Variants in SYNJ2 observed in about 807,000 individuals in gnomAD.
SYNJ2 encodes polyphosphatidylinositol phosphatase SYNJ2.
In SYNJ2, 116 loss-of-function variants were observed where a neutral mutation model predicts 141.3. The ratio of observed to expected loss-of-function variants is 0.82; its 90% CI spans 0.71 to 0.96. The LOEUF is 0.96. Ranked by LOEUF, SYNJ2 falls within the 40% of genes least tolerant of loss-of-function variation. The pLI, the probability that SYNJ2 is intolerant of heterozygous loss-of-function variation, is 0.00. For synonymous variants in SYNJ2, 745 were observed against 777.7 expected (o/e 0.96, Z 0.70); for missense variants, 1,873 against 1,934.8 (o/e 0.97, Z 0.60).
Position 158,033,570 on chromosome 6 carries a change from G to C in SYNJ2, c.601G>C (p.Ala201Pro), listed in dbSNP as rs1442542234. Residue 201 changes from alanine (A) to proline (P), a missense_variant, in exon 4 of 27, where the codon GCC becomes CCC. Ala to Pro is a conservative substitution (Grantham distance 27). Transcript: ENST00000355585. The stretch of plus-strand genomic sequence containing the variant: ...CACCGTGTATGCCTCCCACAAGCAG[G>C]CCAAGGCCTGCCTCGTCTCTCGCGT... ...IRTVYASHKQ[A>P]KACLVSRVSC... 2 of 1,613,974 alleles carry C rather than the reference G, an allele frequency of 1.2e-6. No homozygotes were observed. The highest frequency in any genetic ancestry group is 1.7e-5 in the Admixed American group (1 of 60,016).
chr6:158,078,135 G>T (rs1782435851), intron 17 of SYNJ2, 29 bp from the exon 18 acceptor site: 1 of 1,402,496 alleles, frequency 7.1e-7, no homozygotes, highest in Non-Finnish European at 1.0e-6. Context: ...ATTCTATATG[G>T]GTCTCTCGAA....
Position 158,070,803 on chromosome 6 carries a change from G to A in SYNJ2, c.1941-799G>A. Among the ~76,000 whole-genome samples the A allele has an allele frequency of 6.6e-6, 1 of 152,202 alleles. No homozygotes were observed. Among genetic ancestry groups the A allele is most frequent in the Non-Finnish European group, 1.5e-5 (1 of 68,046 alleles). ...ATGCGTCATAAGTGGGCATTTGAAT[G>A]CAAGCAGGCTCTGGCATTGCATAAA... On this transcript the variant is annotated intron_variant, in intron 14 of 26. Coordinates refer to ENST00000355585, the MANE Select transcript of SYNJ2 (RefSeq NM_003898.4). This position sits in a 1 kb window ranked among gnomAD's most constrained non-coding sequence, Gnocchi z 4.0.
intron 4 of SYNJ2, 125 bp downstream of exon 4, chr6:158,033,805 T>C (rs940614599): frequency 1.0e-6 from 1 of 962,372 alleles, no homozygotes; most frequent in African/African-American, 1.6e-5. Context: ...TCAGGCTTCC[T>C]CCTATAAGTG....
intron 1 of SYNJ2, among the ~76,000 whole-genome samples, chr6:158,009,389 C>A (rs1330850842): frequency 6.6e-6 from 1 of 152,158 alleles, no homozygotes; most frequent in Non-Finnish European, 1.5e-5. Context: ...TCCTCTTGGC[C>A]ACTGCCAAAT....
At chr6:158,065,572 A>G (rs1781514842) in intron 11 of SYNJ2, among the ~76,000 whole-genome samples, 1 of 152,206 alleles carries the variant, frequency 6.6e-6, no homozygotes, top group South Asian at 2.1e-4. Flanking sequence ...GGTCTCATGG[A>G]AAAGTAGGGG....
At position 158,043,459 on chromosome 6, in the gene SYNJ2, C is replaced by T; in HGVS notation, c.795+60C>T. 1 of 1,232,364 alleles carries T rather than the reference C, an allele frequency of 8.1e-7. No homozygotes were observed. 76.3% of individuals were successfully genotyped at this position (1,232,364 alleles called of 1,614,324 possible). On this transcript the variant is annotated intron_variant, in intron 5 of 26. Transcript: ENST00000355585. This position sits in a 1 kb window ranked among gnomAD's most constrained non-coding sequence, Gnocchi z 4.0. ...ATGTTGTCCGCCCTGCCCTTCCCTT[C>T]AATAGCTGGGGAAGATTTCTTTTAA...
Position 158,095,997 on chromosome 6 carries a change from G to A in SYNJ2, c.4124G>A (p.Gly1375Asp), listed in dbSNP as rs1005580846. ...DSPSGHPPAAGTVFPQGDFLS... is the reference protein window; with the variant it reads ...DSPSGHPPAADTVFPQGDFLS... ...CCCTCTGGGCACCCACCTGCCGCGG[G>A]CACCGTCTTCCCACAAGGGGACTTT... The change falls in exon 27 of 27, where the codon GGC becomes GAC. Residue 1375 changes from glycine (G) to aspartate (D), a missense_variant. Transcript: ENST00000355585. 6.2e-7 allele frequency: 1 copy of A among 1,614,082 alleles called. No individual in the cohort carries two copies. The highest frequency in any genetic ancestry group is 1.3e-5 in the African/African-American group (1 of 74,946).
At chr6:158,008,707 C>CTG (rs1778159403) in intron 1 of SYNJ2, among the ~76,000 whole-genome samples, 1 of 152,240 alleles carries the variant, frequency 6.6e-6, no homozygotes, top group African/African-American at 2.4e-5. Context: ...GTCTGTCTGT[C>CTG]TGTCTGTCTC....
intron 22 of SYNJ2, among the ~76,000 whole-genome samples, chr6:158,085,275 C>G (rs1417937856): frequency 6.6e-6 from 1 of 152,140 alleles, no homozygotes; most frequent in Non-Finnish European, 1.5e-5. Context: ...CCTACCTGGG[C>G]CTTCCAAAGT....
chr6:158,097,809 T>C lies in SYNJ2; in HGVS notation c.*1445T>C, dbSNP rs1284275040. The C allele has an allele frequency of 1.3e-5, 2 of 150,772 alleles. No homozygotes were observed. Among genetic ancestry groups the C allele is most frequent in the Non-Finnish European group, 2.9e-5 (2 of 67,876 alleles). 9.3% of individuals were successfully genotyped at this position (150,772 alleles called of 1,614,324 possible). ...CAAAACAAAAGTTACAACACGTATCTCTTTTCATCTGAAAACTAATACCTG... is the reference window on the plus strand; with the variant it reads ...CAAAACAAAAGTTACAACACGTATCCCTTTTCATCTGAAAACTAATACCTG... On this transcript the variant is annotated 3_prime_UTR_variant, in exon 27 of 27. Coordinates refer to ENST00000355585, the MANE Select transcript of SYNJ2 (RefSeq NM_003898.4).
At chr6:157,985,012 C>T (rs1259378351) in intron 1 of SYNJ2, among the ~76,000 whole-genome samples, 2 of 152,148 alleles carry the variant, frequency 1.3e-5, no homozygotes, top group Admixed American at 6.5e-5. Flanking sequence ...TTCCTAGGGG[C>T]GAGAGGAGAT....
intron 3 of SYNJ2, among the ~76,000 whole-genome samples, chr6:158,033,127 G>A (rs921424338): frequency 2.6e-5 from 4 of 152,220 alleles, no homozygotes; most frequent in African/African-American, 9.6e-5. Context: ...GCCCCTTTGC[G>A]ATTCCCCGAA....
intron 7 of SYNJ2, among the ~76,000 whole-genome samples, chr6:158,060,318 G>A (rs1428144681): frequency 6.6e-6 from 1 of 152,108 alleles, no homozygotes; most frequent in African/African-American, 2.4e-5. Context: ...TTCCATCCCT[G>A]TGCATGGATC....
In SYNJ2 at chr6:158,066,595, G is replaced by C; in HGVS notation, c.1677G>C (p.Leu559=). The change falls in exon 12 of 27, where the codon CTG becomes CTC. Residue 559 remains leucine, a synonymous_variant. Transcript: ENST00000355585. ...GGACGGCGGAGCTGACAGACTGGCT[G>C]CTCGACTCGCCCCAGCTCTCGGGAG... ...VLRTAELTDW[L]LDSPQLSGAT... 1 of 1,613,958 alleles carries C rather than the reference G, an allele frequency of 6.2e-7. No homozygotes were observed. Among genetic ancestry groups the C allele is most frequent in the Non-Finnish European group, 8.5e-7 (1 of 1,180,018 alleles).
intron 11 of SYNJ2, among the ~76,000 whole-genome samples, chr6:158,065,813 G>A (rs1043123963): frequency 2.6e-5 from 4 of 152,204 alleles, no homozygotes; most frequent in African/African-American, 7.2e-5. Context: ...TGTACAGTGA[G>A]TCTTATTTAA....
chr6:158,087,817 C>T (rs1357317557), intron 23 of SYNJ2, among the ~76,000 whole-genome samples: 1 of 149,008 alleles, frequency 6.7e-6, no homozygotes, highest in Non-Finnish European at 1.5e-5. Flanking sequence ...ACCTACGGGT[C>T]GTAGTTGTTG....
In SYNJ2 at chr6:158,071,749, G is replaced by T. The variant is rs533675367; in HGVS notation, c.2088G>T (p.Arg696=). The T allele has an allele frequency of 1.2e-6, 2 of 1,613,954 alleles. No homozygotes were observed. Among genetic ancestry groups the T allele is most frequent in the East Asian group, 2.2e-5 (1 of 44,884 alleles). The part of the protein sequence containing the change: ...LTAGQSQVKE[R]NEDYKEITQK... Reference sequence around the variant, plus strand: ...CCGGGCAGTCCCAGGTGAAGGAGCGGAATGAAGACTACAAGGAGATCACCC... The same window carrying T: ...CCGGGCAGTCCCAGGTGAAGGAGCGTAATGAAGACTACAAGGAGATCACCC... The change falls in exon 15 of 27, where the codon CGG becomes CGT. Residue 696 remains arginine (R), a synonymous_variant. Transcript: ENST00000355585. This position sits in a 1 kb window ranked among gnomAD's most constrained non-coding sequence, Gnocchi z 4.3.
chr6:157,985,194 C>T (rs897877376), intron 1 of SYNJ2, among the ~76,000 whole-genome samples: 2 of 152,230 alleles, frequency 1.3e-5, no homozygotes, highest in East Asian at 1.9e-4. Context: ...TTAGGAAAAA[C>T]GGATGGTCCA....
chr6:158,018,317 T>A (rs369137718), intron 2 of SYNJ2, among the ~76,000 whole-genome samples: 1 of 152,192 alleles, frequency 6.6e-6, no homozygotes, highest in East Asian at 1.9e-4. Context: ...CCTTGCCATC[T>A]GTGACCTGGC....
Sources: gnomAD v4.1 joint callset for allele counts (sites outside exome capture counted in the v4.1 genomes callset) on GRCh38, gnomAD v4.1.1 for gene constraint, Gnocchi (gnomAD v3.1) non-coding constraint, MANE v1.5 for transcripts, NCBI Gene and HGNC (gene_info 2026-07-23, HGNC 2026-07-21) for gene names.